ERC2: variants seen among roughly 807,000 people sequenced by gnomAD.
ERC2 encodes the protein ERC protein 2.
In ERC2, 42 loss-of-function variants were observed where a neutral mutation model predicts 114.8. That is an observed-to-expected ratio of 0.37 (90% confidence interval 0.29 to 0.47). ERC2 has a LOEUF of 0.47. Ranked by LOEUF, ERC2 falls within the 20% of genes least tolerant of loss-of-function variation. The pLI is 0.99. For synonymous variants in ERC2, 454 were observed against 425.5 expected (o/e 1.07, Z -0.82); for missense variants, 939 against 1,150.7 (o/e 0.82, Z 2.66).
intron 2 of ERC2, among the ~76,000 whole-genome samples, chr3:56,345,271 C>T (rs1033027184): frequency 5.9e-5 from 9 of 152,120 alleles, no homozygotes; most frequent in African/African-American, 2.2e-4. Flanking sequence ...ATCATTCGTT[C>T]AACAGCTTTT....
intron 17 of ERC2, among the ~76,000 whole-genome samples, chr3:55,617,439 G>A (rs1379059961): frequency 6.6e-6 from 1 of 152,160 alleles, no homozygotes; most frequent in Non-Finnish European, 1.5e-5. Flanking sequence ...CAGCGTTTTG[G>A]CAAGGCTGTC....
chr3:55,998,086 G>C (rs1442104123), intron 10 of ERC2, among the ~76,000 whole-genome samples: 1 of 150,436 alleles, frequency 6.6e-6, no homozygotes, highest in African/African-American at 2.4e-5. Context: ...TAGTTCTAAA[G>C]GAAATTATTC....
intron 2 of ERC2, among the ~76,000 whole-genome samples, chr3:56,307,634 T>C (rs1043241013): frequency 6.6e-6 from 1 of 152,212 alleles, no homozygotes; most frequent in African/African-American, 2.4e-5. Context: ...TGTACTTCTT[T>C]AACCAATCAG....
intron 13 of ERC2, among the ~76,000 whole-genome samples, chr3:55,895,994 C>T (rs948484377): frequency 6.6e-6 from 1 of 152,156 alleles, no homozygotes; most frequent in Non-Finnish European, 1.5e-5. Context: ...AACCCAGGAA[C>T]CTGTGAGTTT....
intron 15 of ERC2, among the ~76,000 whole-genome samples, chr3:55,730,768 T>C (rs1157033582): frequency 6.6e-6 from 1 of 152,204 alleles, no homozygotes; most frequent in Non-Finnish European, 1.5e-5. Flanking sequence ...GGAGGATCAC[T>C]TGAGTTCAGG....
intron 13 of ERC2, among the ~76,000 whole-genome samples, chr3:55,891,327 C>G (rs1356317221): frequency 6.6e-6 from 1 of 152,132 alleles, no homozygotes; most frequent in Non-Finnish European, 1.5e-5. Flanking sequence ...CAGGGCAAAC[C>G]CACATCACAT....
At chr3:56,299,430 T>C (rs958781185) in intron 2 of ERC2, among the ~76,000 whole-genome samples, 2 of 148,584 alleles carry the variant, frequency 1.3e-5, no homozygotes, top group Non-Finnish European at 3.0e-5. Flanking sequence ...GCCCAGCTAA[T>C]AGATTTTTTT....
Position 56,351,903 on chromosome 3 carries a change from C to A in ERC2, c.658-55468G>T, listed in dbSNP as rs556646551. ...GGGCAATTACAGACACGTAATAAGT[C>A]AATGAATAGTCCTCATAATGGGGAC... On this transcript the variant is annotated intron_variant, in intron 2 of 17. Transcript: ENST00000288221. Among the ~76,000 whole-genome samples, 148 of 152,248 alleles carry A rather than the reference C, an allele frequency of 9.7e-4. 1 individual carries two copies. The highest frequency in any genetic ancestry group is 1.2e-3 in the Non-Finnish European group (84 of 68,018).
chr3:55,985,445 A>G (rs1169492844), intron 12 of ERC2, among the ~76,000 whole-genome samples: 1 of 152,232 alleles, frequency 6.6e-6, no homozygotes, highest in Non-Finnish European at 1.5e-5. Flanking sequence ...TGTGTGTACA[A>G]TATGTTACTA....
intron 12 of ERC2, among the ~76,000 whole-genome samples, chr3:55,975,003 C>T (rs2069472760): frequency 6.6e-6 from 1 of 152,136 alleles, no homozygotes; most frequent in Admixed American, 6.5e-5. Flanking sequence ...GCACAAAAAG[C>T]CTTGCTTTGG....
Position 55,829,022 on chromosome 3 carries a change from T to C in ERC2, c.2564+59367A>G, listed in dbSNP as rs551591835. Reference sequence around the variant, plus strand: ...GGGACATGCCTGCAGTCCCAGCTACTCAGGAGGCTAATGTGGGAGGATCGA... The same window carrying C: ...GGGACATGCCTGCAGTCCCAGCTACCCAGGAGGCTAATGTGGGAGGATCGA... On this transcript the variant is annotated intron_variant, in intron 14 of 17. Coordinates refer to ENST00000288221, the MANE Select transcript of ERC2 (RefSeq NM_015576.3). 2.5e-4 allele frequency among the ~76,000 whole-genome samples: 38 copies of C among 152,218 alleles called. 2 individuals carry two copies. The South Asian group carries it at 4.2e-3, about 17-fold the overall frequency.
intron 3 of ERC2, among the ~76,000 whole-genome samples, chr3:56,244,843 A>C (rs2051573542): frequency 6.6e-6 from 1 of 152,130 alleles, no homozygotes; most frequent in South Asian, 2.1e-4. Flanking sequence ...AGCAACTTCC[A>C]GTCCTGTAAA....
At chr3:55,551,255 G>C (rs576640480) in intron 17 of ERC2, among the ~76,000 whole-genome samples, 1 of 152,236 alleles carries the variant, frequency 6.6e-6, no homozygotes, top group East Asian at 1.9e-4. Flanking sequence ...GGGCACGGTG[G>C]CTCATGCCTG....
intron 3 of ERC2, among the ~76,000 whole-genome samples, chr3:56,209,069 A>G (rs1353311402): frequency 6.6e-6 from 1 of 152,084 alleles, no homozygotes; most frequent in Non-Finnish European, 1.5e-5. Flanking sequence ...GCTCCTCAGC[A>G]CCCAATGGAT....
intron 6 of ERC2, among the ~76,000 whole-genome samples, chr3:56,117,804 G>A (rs1428250173): frequency 1.3e-5 from 2 of 152,192 alleles, no homozygotes; most frequent in Admixed American, 1.3e-4. Context: ...ACACTGTATT[G>A]TCACTTCAGC....
At chr3:55,772,557 C>T (rs926519913) in intron 14 of ERC2, among the ~76,000 whole-genome samples, 28 of 152,240 alleles carry the variant, frequency 1.8e-4, no homozygotes, top group African/African-American at 5.8e-4. Context: ...ACCTCGTGAT[C>T]CGCCTGCCTC....
chr3:55,886,262 G>T (rs375229689), intron 14 of ERC2, among the ~76,000 whole-genome samples: 17 of 152,176 alleles, frequency 1.1e-4, no homozygotes, highest in Admixed American at 9.8e-4. Context: ...ATTTATTATG[G>T]AAAGTAAAAT....
chr3:56,439,145 C>T (rs1476123243), intron 1 of ERC2, among the ~76,000 whole-genome samples: 1 of 152,130 alleles, frequency 6.6e-6, no homozygotes, highest in Non-Finnish European at 1.5e-5. Context: ...AGAACACACA[C>T]ATAAAACTGA....
At chr3:55,995,083 C>T (rs1411845118) in intron 10 of ERC2, among the ~76,000 whole-genome samples, 2 of 152,050 alleles carry the variant, frequency 1.3e-5, no homozygotes, top group African/African-American at 4.8e-5. Context: ...GCCTGTAAAC[C>T]CAGCACTTTG....
Sources: allele counts gnomAD v4.1 joint callset (sites outside exome capture counted in the v4.1 genomes callset), GRCh38; gene constraint gnomAD v4.1.1; transcripts MANE v1.5; gene names NCBI Gene and HGNC (gene_info 2026-07-23, HGNC 2026-07-21).